USF3: variants seen among roughly 807,000 people sequenced by gnomAD.
USF3 encodes the protein basic helix-loop-helix domain-containing protein USF3.
A neutral mutation model predicts 157.5 loss-of-function variants in USF3; 29 were observed. The ratio of observed to expected loss-of-function variants is 0.18; its 90% CI spans 0.14 to 0.25. The LOEUF (loss-of-function observed/expected upper bound fraction) is 0.25. Among genes scored for constraint, USF3 ranks in the 10% least tolerant of loss-of-function variants. USF3 has a pLI of 1.00. For synonymous variants in USF3, 893 were observed against 941.4 expected (o/e 0.95, Z 0.94); for missense variants, 2,381 against 2,667.6 (o/e 0.89, Z 2.37).
intron 4 of USF3, among the ~76,000 whole-genome samples, chr3:113,672,530 A>C (rs1451696273): frequency 6.6e-6 from 1 of 152,180 alleles, no homozygotes; most frequent in Non-Finnish European, 1.5e-5. Context: ...AATCAAAGCA[A>C]TAAACTGTGC....
At position 113,658,225 on chromosome 3, in the gene USF3, G is replaced by A. The variant is rs768180159; in HGVS notation, c.3457C>T (p.Leu1153Phe). 1.9e-6 allele frequency: 3 copies of A among 1,613,970 alleles called. No homozygotes were observed. Among genetic ancestry groups the A allele is most frequent in the Non-Finnish European group, 2.5e-6 (3 of 1,180,008 alleles). The change falls in exon 7 of 7, where the codon CTC (leucine) becomes TTC (phenylalanine). Residue 1153 changes from leucine (L) to phenylalanine (F), a missense_variant. Physicochemically the swap from Leu to Phe is conservative, Grantham distance 22 (BLOSUM62 0). Coordinates refer to ENST00000316407, the MANE Select transcript of USF3 (RefSeq NM_001009899.4). ...GCAACTTCCCTTATATCAGCCTGGA[G>A]GCCAACTCTCCCCTTCTCAAGGTTC... ...QENLEKGRVG[L>F]QADIREVASK...
intron 1 of USF3, among the ~76,000 whole-genome samples, chr3:113,688,374 T>A (rs1162146313): frequency 1.3e-5 from 2 of 152,144 alleles, no homozygotes; most frequent in Admixed American, 1.3e-4. Flanking sequence ...CACCTTGGCC[T>A]CCCTAAGTGC....
rs1322797617 is a variant in USF3, at chr3:113,659,684, T to C, written c.1998A>G (p.Leu666=). 3.7e-6 allele frequency: 6 copies of C among 1,614,138 alleles called. No homozygotes were observed. The highest frequency in any genetic ancestry group is 5.1e-6 in the Non-Finnish European group (6 of 1,180,042). The change falls in exon 7 of 7, where the codon TTA becomes TTG. Residue 666 remains leucine, a synonymous_variant. Coordinates refer to ENST00000316407, the MANE Select transcript of USF3 (RefSeq NM_001009899.4). The stretch of plus-strand genomic sequence containing the variant: ...GCTGCAAAGCAAAGAGCTGTCCATT[T>C]AAAGAAATGGTTTGAGGCTGTTGGT... ...MSNQQPQTIS[L]NGQLFALQPV... is the part of the protein sequence containing the mutation.
rs1449723040 is a variant in USF3, at chr3:113,651,278, A to G, written c.*3666T>C. ...TCCAGAAGTTAAAAAATTTAAATCAATTCTGAACTAATTTTGTTTCAAGAA... is the reference window on the plus strand; with the variant it reads ...TCCAGAAGTTAAAAAATTTAAATCAGTTCTGAACTAATTTTGTTTCAAGAA... On this transcript the variant is annotated 3_prime_UTR_variant, in exon 7 of 7. Coordinates refer to ENST00000316407, the MANE Select transcript of USF3 (RefSeq NM_001009899.4). The G allele has an allele frequency of 1.3e-5, 2 of 152,234 alleles. No individual in the cohort carries two copies. The highest frequency in any genetic ancestry group is 2.9e-5 in the Non-Finnish European group (2 of 68,050). 9.4% of individuals were successfully genotyped at this position (152,234 alleles called of 1,614,324 possible).
chr3:113,680,312 A>G (rs1302717019), intron 1 of USF3, among the ~76,000 whole-genome samples: 1 of 151,776 alleles, frequency 6.6e-6, no homozygotes, highest in Non-Finnish European at 1.5e-5. Flanking sequence ...GGACTTCTTC[A>G]TGGTTCAATT....
chr3:113,670,003 T>A, intron 5 of USF3, 118 bp downstream of exon 5: 1 of 661,766 alleles, frequency 1.5e-6, no homozygotes, highest in South Asian at 1.9e-5. Context: ...AATTATTAAC[T>A]TCAAAAGAAC....
intron 4 of USF3, among the ~76,000 whole-genome samples, chr3:113,670,458 G>A (rs1473662073): frequency 1.3e-5 from 2 of 152,148 alleles, no homozygotes; most frequent in Admixed American, 1.3e-4. Flanking sequence ...AAGTAGCTGG[G>A]CGTGGTGGCA....
At chr3:113,692,206 G>A in intron 1 of USF3, among the ~76,000 whole-genome samples, 1 of 152,126 alleles carries the variant, frequency 6.6e-6, no homozygotes, top group Non-Finnish European at 1.5e-5. Context: ...CCCTGCCTTA[G>A]AGGTTAGACT....
chr3:113,664,345 T>C lies in USF3; in HGVS notation c.224A>G (p.Glu75Gly). The C allele has an allele frequency of 6.2e-7, 1 of 1,607,966 alleles. No individual in the cohort carries two copies. Among genetic ancestry groups the C allele is most frequent in the African/African-American group, 1.3e-5 (1 of 74,886 alleles). Residue 75 changes from glutamate to glycine, a missense_variant, in exon 6 of 7, where the codon GAA (glutamate) becomes GGA (glycine). Transcript: ENST00000316407. ...ATTGTTTCCTCCATTAAGCAGGAGT[T>C]CATCATTTTGCCTTTTCAATTCTGT... The part of the protein sequence containing the change: ...YITELKRQND[E>G]LLLNGGNNEQ...
chr3:113,659,859 C>T lies in USF3; in HGVS notation c.1823G>A (p.Gly608Glu). The change falls in exon 7 of 7, where the codon GGA becomes GAA. Residue 608 changes from glycine to glutamate, a missense_variant. Gly to Glu is a moderately conservative substitution (Grantham distance 98). This residue lies in a region of USF3 where 1,435 missense variants were observed against 1,550.9 expected (regional missense o/e 0.93). Coordinates refer to ENST00000316407, the MANE Select transcript of USF3 (RefSeq NM_001009899.4). The stretch of plus-strand genomic sequence containing the variant: ...ATTAGACCCTATTACAGTATTGGCT[C>T]CATTGATGGGGAGTCGAACAGAACC... The part of the protein sequence containing the change: ...PPGSVRLPIN[G>E]ANTVIGSNNS... 6.2e-7 allele frequency: 1 copy of T among 1,614,158 alleles called. No homozygotes were observed. The highest frequency in any genetic ancestry group is 8.5e-7 in the Non-Finnish European group (1 of 1,180,030).
chr3:113,673,206 T>TA, intron 4 of USF3, 142 bp downstream of exon 4: 1 of 627,868 alleles, frequency 1.6e-6, no homozygotes, highest in South Asian at 1.8e-5. Flanking sequence ...ATTTTGTCAA[T>TA]AAAAAACAAT....
rs1229571120 is a variant in USF3 at position 113,660,290 on chromosome 3, G to A, written c.1392C>T (p.Ser464=). 2 of 1,614,162 alleles carry A rather than the reference G, an allele frequency of 1.2e-6. No homozygotes were observed. Among genetic ancestry groups the A allele is most frequent in the East Asian group, 2.2e-5 (1 of 44,890 alleles). The change falls in exon 7 of 7, where the codon AGC becomes AGT. Residue 464 remains serine, a synonymous_variant. Coordinates refer to ENST00000316407, the MANE Select transcript of USF3 (RefSeq NM_001009899.4). ...ATCTACTGTGGTTGCTTGTGGTGGG[G>A]CTAGTACCAGACTCATTTAATACTG... The part of the protein sequence containing the change: ...VTPVLNESGT[S]PTTSNHSRYV...
chr3:113,656,284 T>C lies in USF3; in HGVS notation c.5398A>G (p.Ile1800Val). 2.5e-6 allele frequency: 4 copies of C among 1,614,222 alleles called. No homozygotes were observed. Among genetic ancestry groups the C allele is most frequent in the Non-Finnish European group, 3.4e-6 (4 of 1,180,030 alleles). ...KRLSYPPVQS[I>V]PTGNGIPSRD... ...GATGGAATACCATTTCCTGTTGGGA[T>C]GCTCTGAACTGGTGGGTAAGATAAT... The change falls in exon 7 of 7, where the codon ATC becomes GTC. Residue 1800 changes from isoleucine (I) to valine (V), a missense_variant. Physicochemically the swap from Ile to Val is conservative, Grantham distance 29. Transcript: ENST00000316407.
At position 113,656,711 on chromosome 3, in the gene USF3, T is replaced by G. The variant is rs1485725864; in HGVS notation, c.4971A>C (p.Pro1657=). 1 of 1,614,136 alleles carries G rather than the reference T, an allele frequency of 6.2e-7. No individual in the cohort carries two copies. Residue 1657 remains proline, a synonymous_variant, in exon 7 of 7, where the codon CCA becomes CCC. Coordinates refer to ENST00000316407, the MANE Select transcript of USF3 (RefSeq NM_001009899.4). ...VTRSSDMTCT[P]HRPERNRVSS... The stretch of plus-strand genomic sequence containing the variant: ...AAACTCTATTTCTCTCTGGCCTGTG[T>G]GGAGTACAGGTCATGTCTGAAGATC...
chr3:113,662,202 G>A (rs1947497635), intron 6 of USF3, among the ~76,000 whole-genome samples: 1 of 152,148 alleles, frequency 6.6e-6, no homozygotes, highest in Non-Finnish European at 1.5e-5. Flanking sequence ...AAACAATTGA[G>A]ACAAAAAGGA....
At position 113,659,625 on chromosome 3, in the gene USF3, G is replaced by A. The variant is rs149315682; in HGVS notation, c.2057C>T (p.Thr686Ile). ...VMSSSGTTNQ[T>I]PMQIIQPTTS... ...GGTGGGTTGAATAATTTGCATAGGGGTTTGATTTGTAGTTCCTGATGAAGA... is the reference window on the plus strand; with the variant it reads ...GGTGGGTTGAATAATTTGCATAGGGATTTGATTTGTAGTTCCTGATGAAGA... Residue 686 changes from threonine (T) to isoleucine (I), a missense_variant, in exon 7 of 7, where the codon ACC becomes ATC. Around this residue, in one of 6 missense-constraint regions of USF3, gnomAD observed 1,435 missense variants for 1,550.9 expected, o/e 0.93. Coordinates refer to ENST00000316407, the MANE Select transcript of USF3 (RefSeq NM_001009899.4). The A allele has an allele frequency of 4.5e-4, 731 of 1,614,212 alleles. No homozygotes were observed. Among genetic ancestry groups the A allele is most frequent in the Non-Finnish European group, 5.8e-4 (689 of 1,180,014 alleles).
rs1480320804 is a variant in USF3 at position 113,660,658 on chromosome 3, T to C, written c.1024A>G (p.Thr342Ala). 6.2e-7 allele frequency: 1 copy of C among 1,614,056 alleles called. No individual in the cohort carries two copies. Among genetic ancestry groups the C allele is most frequent in the African/African-American group, 1.3e-5 (1 of 74,920 alleles). ...GTTCTGGGAGGCTGCGAGCAGACTG[T>C]GGTGGTAACTGAAACAACAAAAGTG... The part of the protein sequence containing the change: ...QNTFVVSVTT[T>A]VCSQPPRTAG... The change falls in exon 7 of 7, where the codon ACA becomes GCA. Residue 342 changes from threonine to alanine, a missense_variant. Around this residue, in one of 6 missense-constraint regions of USF3, gnomAD observed 1,435 missense variants for 1,550.9 expected, o/e 0.93. Transcript: ENST00000316407.
chr3:113,678,673 T>C (rs953620668), intron 1 of USF3, among the ~76,000 whole-genome samples: 4 of 152,222 alleles, frequency 2.6e-5, no homozygotes, highest in African/African-American at 9.6e-5. Context: ...AATAAAGAAA[T>C]TACATTTTTA....
At chr3:113,676,067 AG>A (rs1412055399) in intron 2 of USF3, among the ~76,000 whole-genome samples, 10 of 152,318 alleles carry the variant, frequency 6.6e-5, no homozygotes, top group African/African-American at 2.4e-4. Flanking sequence ...ACAAGTCTCC[AG>A]GAAGTTCCAA....
Sources: allele counts gnomAD v4.1 joint callset (sites outside exome capture counted in the v4.1 genomes callset), GRCh38; gene constraint gnomAD v4.1.1; regional missense constraint gnomAD v4.1.1; transcripts MANE v1.5; gene names NCBI Gene and HGNC (gene_info 2026-07-23, HGNC 2026-07-21).